The following MTSS1 variants were observed in gnomAD, a reference collection of about 807,000 sequenced individuals.
The protein encoded by MTSS1 is MTSS I-BAR domain containing 1.
MTSS1 carries 18 observed loss-of-function variants against 79.0 expected under a neutral mutation model. The observed-to-expected ratio is 0.23, with a 90% CI of 0.16 to 0.34. The LOEUF (loss-of-function observed/expected upper bound fraction) is 0.34. Among genes scored for constraint, MTSS1 ranks in the 10% least tolerant of loss-of-function variants. The pLI is 1.00. For synonymous variants in MTSS1, 341 were observed against 368.6 expected, an observed-to-expected ratio of 0.93 and a Z score of 0.86; for missense variants, 815 against 986.2, an observed-to-expected ratio of 0.83 and a Z score of 2.33.
intron 1 of MTSS1, among the ~76,000 whole-genome samples, chr8:124,715,089 C>T (rs769702623): frequency 3.3e-5 from 5 of 152,222 alleles, no homozygotes; most frequent in African/African-American, 7.2e-5. Context: ...CGTGACTTCA[C>T]GTTGGTCCAT....
At chr8:124,593,615 C>T (rs1832238415) in intron 3 of MTSS1, among the ~76,000 whole-genome samples, 1 of 152,218 alleles carries the variant, frequency 6.6e-6, no homozygotes, top group African/African-American at 2.4e-5. Flanking sequence ...TGCAGGAAGA[C>T]GTACAGCGCT....
At chr8:124,708,317 A>G (rs1295238928) in intron 1 of MTSS1, among the ~76,000 whole-genome samples, 1 of 152,176 alleles carries the variant, frequency 6.6e-6, no homozygotes. Flanking sequence ...CTCAACAAAC[A>G]TTTGATATGA....
chr8:124,553,791 A>G lies in MTSS1; in HGVS notation c.1568-99T>C, dbSNP rs1016388880. ...AAAAGGCACGCAAGGCAGGGTACAC[A>G]CACAGTCTCATCCCAAGCTTCCCCC... is the stretch of plus-strand genomic sequence containing the variant. On this transcript the variant is annotated intron_variant, in intron 13 of 13. Transcript: ENST00000518547. This position sits in a 1 kb window ranked among gnomAD's most constrained non-coding sequence, Gnocchi z 6.0. The G allele has an allele frequency of 2.9e-6, 3 of 1,045,480 alleles. No homozygotes were observed. The highest frequency in any genetic ancestry group is 4.1e-6 in the Non-Finnish European group (3 of 731,802). 64.8% of individuals were successfully genotyped at this position (1,045,480 alleles called of 1,614,324 possible).
At chr8:124,701,768 C>T (rs1313897398) in intron 2 of MTSS1, among the ~76,000 whole-genome samples, 1 of 152,200 alleles carries the variant, frequency 6.6e-6, no homozygotes, top group African/African-American at 2.4e-5. Context: ...AGTCACAAGA[C>T]ATCTTGGCCC....
At chr8:124,725,167 G>T (rs1833515793) in intron 1 of MTSS1, among the ~76,000 whole-genome samples, 1 of 152,146 alleles carries the variant, frequency 6.6e-6, no homozygotes, top group Admixed American at 6.5e-5. Flanking sequence ...CCCCAGTGGA[G>T]AAAAAGTCAG....
chr8:124,723,261 G>A (rs1833205314), intron 1 of MTSS1, among the ~76,000 whole-genome samples: 1 of 152,188 alleles, frequency 6.6e-6, no homozygotes, highest in Admixed American at 6.5e-5. Context: ...CACGTTTGGT[G>A]CCTGAAACAC....
chr8:124,654,529 C>G (rs151065833), intron 3 of MTSS1, among the ~76,000 whole-genome samples: 1,846 of 152,188 alleles, frequency 0.012, 36 homozygotes, highest in African/African-American at 0.04. Context: ...TTAAGAAAAA[C>G]AAGAGTTTCA....
At chr8:124,722,875 T>A (rs1833150670) in intron 1 of MTSS1, among the ~76,000 whole-genome samples, 1 of 152,158 alleles carries the variant, frequency 6.6e-6, no homozygotes, top group Admixed American at 6.5e-5. Context: ...CATTTGTCCA[T>A]ACCCAATTCG....
chr8:124,575,584 G>GTTGT (rs11472870), intron 6 of MTSS1, among the ~76,000 whole-genome samples: 24,707 of 151,664 alleles, frequency 0.16, 2,178 homozygotes, highest in African/African-American at 0.21. Flanking sequence ...TTTTGTTGTT[G>GTTGT]TTGTTTGTTT....
rs567932929 is a variant in MTSS1 at position 124,553,391 on chromosome 8, G to T, written c.1869C>A (p.Val623=). 3.7e-6 allele frequency: 6 copies of T among 1,609,146 alleles called. No individual in the cohort carries two copies. In the Admixed American group the frequency reaches 5.0e-5, roughly 13 times the overall value. The stretch of plus-strand genomic sequence containing the variant: ...CTGGCAACACCCCTGGGAGGTCTGG[G>T]ACGGTTGGGGTCTTGACAGGGATCA... The part of the protein sequence containing the change: ...TPVIPVKTPT[V]PDLPGVLPAP... Residue 623 remains valine (V), a synonymous_variant, in exon 14 of 14, where the codon GTC becomes GTA. Coordinates refer to ENST00000518547, the MANE Select transcript of MTSS1 (RefSeq NM_014751.6). The surrounding 1 kb of genome is among the most constrained non-coding windows in gnomAD (Gnocchi z 6.0).
chr8:124,718,148 GACTTATTTTT>G (rs1441291709), intron 1 of MTSS1, among the ~76,000 whole-genome samples: 14 of 140,642 alleles, frequency 1.0e-4, no homozygotes, highest in Non-Finnish European at 1.7e-4. Context: ...GCTTGTGGGT[GACTTATTTTT>G]TACTTAACTG....
chr8:124,703,493 A>G (rs1174235705), intron 2 of MTSS1, among the ~76,000 whole-genome samples: 1 of 152,150 alleles, frequency 6.6e-6, no homozygotes, highest in African/African-American at 2.4e-5. Context: ...GGATTTCGCC[A>G]TGTTGGCCAG....
chr8:124,555,482 G>A (rs1001007701), intron 13 of MTSS1, among the ~76,000 whole-genome samples: 5 of 152,112 alleles, frequency 3.3e-5, no homozygotes, highest in Admixed American at 6.5e-5. Flanking sequence ...TCCTGACCTC[G>A]TGATCCACCT....
intron 3 of MTSS1, among the ~76,000 whole-genome samples, chr8:124,669,322 G>C (rs1823701128): frequency 6.6e-6 from 1 of 152,238 alleles, no homozygotes. Context: ...GAGATAGTGT[G>C]ACAAATGATG....
At chr8:124,645,806 T>A (rs1179010748) in intron 3 of MTSS1, among the ~76,000 whole-genome samples, 1 of 152,218 alleles carries the variant, frequency 6.6e-6, no homozygotes, top group African/African-American at 2.4e-5. Context: ...TATTTGCCCA[T>A]GTTCCCAAAG....
chr8:124,685,188 G>A lies in MTSS1; in HGVS notation c.208+14338C>T, dbSNP rs543040452. Among the ~76,000 whole-genome samples the A allele has an allele frequency of 3.3e-5, 5 of 152,272 alleles. No homozygotes were observed. The East Asian group carries it at 5.8e-4, about 18-fold the overall frequency. ...CCAGAACTTTTCATCATCCCGGTAC[G>A]GGGCTTTCTTTCACGGTAATGAAAA... On this transcript the variant is annotated intron_variant, in intron 3 of 13. Coordinates refer to ENST00000518547, the MANE Select transcript of MTSS1 (RefSeq NM_014751.6).
Position 124,659,768 on chromosome 8 carries a change from C to T in MTSS1, c.208+39758G>A, listed in dbSNP as rs544597025. 2.4e-3 allele frequency among the ~76,000 whole-genome samples: 361 copies of T among 152,258 alleles called. 1 individual carries two copies. The highest frequency in any genetic ancestry group is 8.0e-3 in the African/African-American group (334 of 41,526). On this transcript the variant is annotated intron_variant, in intron 3 of 13. Transcript: ENST00000518547. ...TGATGGGACAACACCTGGGCCGCTC[C>T]GCTCCCACCTGGGTAACATGAAGAT...
At chr8:124,556,806 G>A (rs778941947) in intron 11 of MTSS1, among the ~76,000 whole-genome samples, 10 of 152,232 alleles carry the variant, frequency 6.6e-5, no homozygotes, top group Non-Finnish European at 1.0e-4. Flanking sequence ...ATGGCCACCA[G>A]CGAGCACTAA....
At chr8:124,660,894 G>A (rs1821909889) in intron 3 of MTSS1, among the ~76,000 whole-genome samples, 1 of 152,150 alleles carries the variant, frequency 6.6e-6, no homozygotes, top group Admixed American at 6.5e-5. Context: ...TGAGGGACTT[G>A]TGCCCCAAGG....
Sources: allele counts gnomAD v4.1 joint callset (sites outside exome capture counted in the v4.1 genomes callset), GRCh38; gene constraint gnomAD v4.1.1; non-coding constraint Gnocchi (gnomAD v3.1); transcripts MANE v1.5; gene names NCBI Gene and HGNC (gene_info 2026-07-23, HGNC 2026-07-21).